ODF2: variants seen among roughly 807,000 people sequenced by gnomAD.
ODF2 encodes the protein outer dense fiber of sperm tails 2.
A neutral mutation model predicts 110.2 loss-of-function variants in ODF2; 47 were observed. The ratio of observed to expected loss-of-function variants is 0.43; its 90% CI spans 0.34 to 0.54. ODF2 has a LOEUF of 0.54. Ranked by LOEUF, ODF2 falls within the 20% of genes least tolerant of loss-of-function variation. The pLI is 0.03. For synonymous variants in ODF2, 352 were observed against 397.7 expected (o/e 0.89, Z 1.37); for missense variants, 812 against 1,054.5 (o/e 0.77, Z 3.19).
In ODF2 at chr9:128,488,045, G is replaced by T. The variant is rs1003537956; in HGVS notation, c.1536+20G>T. On this transcript the variant is annotated intron_variant, in intron 14 of 20. Transcript: ENST00000604420. Reference sequence around the variant, plus strand: ...CTGAAGGTTCGCAGTGAGAGCTGGGGACCAGGCAGCTGGATGGGGCCCAGC... The same window carrying T: ...CTGAAGGTTCGCAGTGAGAGCTGGGTACCAGGCAGCTGGATGGGGCCCAGC... 5.0e-6 allele frequency: 8 copies of T among 1,613,032 alleles called. No homozygotes were observed. The highest frequency in any genetic ancestry group is 1.3e-5 in the African/African-American group (1 of 74,912).
chr9:128,490,019 G>C (rs1564519418), intron 14 of ODF2, among the ~76,000 whole-genome samples: 1 of 152,024 alleles, frequency 6.6e-6, no homozygotes, highest in Non-Finnish European at 1.5e-5. Context: ...TGTAATTGTC[G>C]GATAAGTTAA....
At chr9:128,461,125 C>T in intron 4 of ODF2, 58 bp downstream of exon 4, 1 of 1,580,236 alleles carries the variant, frequency 6.3e-7, no homozygotes, top group South Asian at 1.1e-5. Context: ...TAGCAGGCCT[C>T]AGCCTCGGTA....
At chr9:128,475,397 G>A (rs184802689) in intron 8 of ODF2, among the ~76,000 whole-genome samples, 335 of 152,220 alleles carry the variant, frequency 2.2e-3, no homozygotes, top group African/African-American at 6.9e-3. Flanking sequence ...TTTGACATAC[G>A]TACACAATAT....
At chr9:128,459,522 G>T (rs1835850581) in intron 2 of ODF2, 45 bp from the exon 2 acceptor site, 1 of 1,429,906 alleles carries the variant, frequency 7.0e-7, no homozygotes, top group Non-Finnish European at 9.8e-7. Flanking sequence ...ATATAAGATT[G>T]CCCTAGTTTT....
At position 128,471,863 on chromosome 9, in the gene ODF2, G is replaced by A. The variant is rs558478065; in HGVS notation, c.581+395G>A. Among the ~76,000 whole-genome samples, 486 of 152,300 alleles carry A rather than the reference G, an allele frequency of 3.2e-3. 1 individual carries two copies. Among genetic ancestry groups the A allele is most frequent in the Non-Finnish European group, 5.5e-3 (372 of 68,022 alleles). On this transcript the variant is annotated intron_variant, in intron 6 of 20. Coordinates refer to ENST00000604420, the Ensembl canonical transcript of ODF2. ...TTTGTAGCTGAGAAATGGAAGGCAG[G>A]CCAGAGTGGGTGGGCAGAGGATAAG...
chr9:128,490,418 G>A (rs945066055), intron 14 of ODF2, among the ~76,000 whole-genome samples: 1 of 151,932 alleles, frequency 6.6e-6, no homozygotes, highest in African/African-American at 2.4e-5. Flanking sequence ...AAGTAGCTGG[G>A]ATTACAGGCA....
chr9:128,460,829 C>A, intron 3 of ODF2, 113 bp from the exon 4 acceptor site: 2 of 1,522,308 alleles, frequency 1.3e-6, no homozygotes, highest in South Asian at 2.4e-5. Context: ...CCAGGAGCAA[C>A]AGCAGTAACA....
chr9:128,461,204 C>T (rs1836358046), intron 4 of ODF2, 137 bp downstream of exon 4: 1 of 1,095,844 alleles, frequency 9.1e-7, no homozygotes, highest in South Asian at 1.6e-5. Context: ...CTTGCTAAAC[C>T]CTGAAACTAT....
chr9:128,479,702 A>G (rs1842057275), intron 8 of ODF2, among the ~76,000 whole-genome samples: 1 of 152,160 alleles, frequency 6.6e-6, no homozygotes, highest in African/African-American at 2.4e-5. Flanking sequence ...AAAACATGGG[A>G]ACAGCCTCAT....
chr9:128,481,545 A>C (rs1358014332), intron 8 of ODF2, 35 bp from the exon 9 acceptor site: 2 of 1,536,854 alleles, frequency 1.3e-6, no homozygotes, highest in East Asian at 2.2e-5. Context: ...TTTATTGCTT[A>C]ATGACTTGAC....
exon 9 of ODF2, chr9:128,481,596 T>C (rs1332488199): frequency 6.2e-7 from 1 of 1,613,942 alleles, no homozygotes; most frequent in Non-Finnish European, 8.5e-7. Context: ...GAAAGACTAA[T>C]GGAGCAACAA....
intron 8 of ODF2, among the ~76,000 whole-genome samples, chr9:128,479,301 T>C (rs1196481072): frequency 6.6e-6 from 1 of 151,900 alleles, no homozygotes; most frequent in South Asian, 2.1e-4. Context: ...CAAAGAAAAA[T>C]AGGGACAGTC....
At position 128,494,936 on chromosome 9, in the gene ODF2, C is replaced by G. The variant is rs1845328068; in HGVS notation, c.1911+268C>G. 2 of 1,023,050 alleles carry G rather than the reference C, an allele frequency of 2.0e-6. No homozygotes were observed. The highest frequency in any genetic ancestry group is 3.3e-5 in the African/African-American group (2 of 61,502). The allele number at this position is 1,023,050 out of a possible 1,614,324, so 63.4% of individuals were successfully genotyped here. A position where few individuals can be genotyped will look rare whatever the true frequency, so the allele number is the denominator to read the frequency against. On this transcript the variant is annotated intron_variant, in intron 17 of 20. Coordinates refer to ENST00000604420, the Ensembl canonical transcript of ODF2. This position sits in a 1 kb window ranked among gnomAD's most constrained non-coding sequence, Gnocchi z 4.6. Reference sequence around the variant, plus strand: ...TTGCCCCCACCCAAGACTGCTGCCTCTGCCTGTGTGCTCCGCAGCTGTCCT... The same window carrying G: ...TTGCCCCCACCCAAGACTGCTGCCTGTGCCTGTGTGCTCCGCAGCTGTCCT...
At chr9:128,469,924 C>A (rs1839289902) in intron 5 of ODF2, among the ~76,000 whole-genome samples, 1 of 121,262 alleles carries the variant, frequency 8.2e-6, no homozygotes, top group Non-Finnish European at 1.6e-5. Context: ...CCAGAGGTTG[C>A]AGTGAGCTGA....
chr9:128,474,463 A>G (rs1210939576), intron 8 of ODF2, among the ~76,000 whole-genome samples: 1 of 151,946 alleles, frequency 6.6e-6, no homozygotes, highest in Admixed American at 6.6e-5. Context: ...ACTGCACTCT[A>G]GCCTGGGCGA....
At chr9:128,477,671 T>A (rs929617620) in intron 8 of ODF2, among the ~76,000 whole-genome samples, 5 of 151,444 alleles carry the variant, frequency 3.3e-5, no homozygotes, top group Non-Finnish European at 5.9e-5. Context: ...AGTGGCGCAA[T>A]CTCAGCTCAC....
At chr9:128,475,108 C>CTG (rs76592710) in intron 8 of ODF2, among the ~76,000 whole-genome samples, 150,507 of 152,308 alleles carry the variant, frequency 0.99, 74,388 homozygotes, top group Middle Eastern at 1. Context: ...CACCTATAGA[C>CTG]TTTTTCTTGA....
rs371358075 is a variant in ODF2, at chr9:128,492,550, G to A, written c.1647+14G>A. Reference sequence around the variant, plus strand: ...TATAAGAGTCAGGTAGGCCTCACTGGGGCCCTGGCCCTTCTGAGCAGTGCC... The same window carrying A: ...TATAAGAGTCAGGTAGGCCTCACTGAGGCCCTGGCCCTTCTGAGCAGTGCC... On this transcript the variant is annotated intron_variant, in intron 15 of 20. Transcript: ENST00000604420. 7.1e-5 allele frequency: 113 copies of A among 1,592,532 alleles called. 1 individual carries two copies. The South Asian group carries it at 9.1e-4, about 13-fold the overall frequency.
intron 4 of ODF2, among the ~76,000 whole-genome samples, chr9:128,465,427 G>A (rs1247190101): frequency 6.6e-6 from 1 of 152,160 alleles, no homozygotes; most frequent in Non-Finnish European, 1.5e-5. Flanking sequence ...AGAAGGTCTA[G>A]GTTTTTTTCT....
Sources: allele counts gnomAD v4.1 joint callset (sites outside exome capture counted in the v4.1 genomes callset), GRCh38; gene constraint gnomAD v4.1.1; non-coding constraint Gnocchi (gnomAD v3.1); transcripts MANE v1.5; gene names NCBI Gene and HGNC (gene_info 2026-07-23, HGNC 2026-07-21).